RAB11FIP1: variants seen among roughly 807,000 people sequenced by gnomAD.
The protein encoded by RAB11FIP1 is rab11 family-interacting protein 1.
RAB11FIP1 carries 49 observed loss-of-function variants against 83.1 expected under a neutral mutation model. That is an observed-to-expected ratio of 0.59 (90% CI 0.47 to 0.75). The LOEUF (loss-of-function observed/expected upper bound fraction) is 0.75. Ranked by LOEUF, RAB11FIP1 falls within the 30% of genes least tolerant of loss-of-function variation. The pLI, the probability that RAB11FIP1 is intolerant of heterozygous loss-of-function variation, is 0.00. For synonymous variants in RAB11FIP1, 670 were observed against 656.0 expected (o/e 1.02, Z -0.33); for missense variants, 1,536 against 1,598.7 (o/e 0.96, Z 0.67).
At chr8:37,895,280 T>A (rs1807061409) in intron 1 of RAB11FIP1, among the ~76,000 whole-genome samples, 4 of 64,108 alleles carry the variant, frequency 6.2e-5, no homozygotes, top group Non-Finnish European at 9.3e-5. Flanking sequence ...TTTTTTTTTT[T>A]TTTTTTTTTT....
intron 5 of RAB11FIP1, among the ~76,000 whole-genome samples, chr8:37,865,532 C>G (rs1806325407): frequency 6.6e-6 from 1 of 151,952 alleles, no homozygotes; most frequent in Non-Finnish European, 1.5e-5. Flanking sequence ...GTTGGCCAGG[C>G]TGGTCTTGAA....
At chr8:37,884,210 G>A (rs966093871) in intron 1 of RAB11FIP1, among the ~76,000 whole-genome samples, 3 of 151,206 alleles carry the variant, frequency 2.0e-5, no homozygotes, top group Admixed American at 6.6e-5. Flanking sequence ...GAGTACAGGC[G>A]CACACCACTG....
chr8:37,895,218 A>ATATATATATAT (rs1807040291), intron 1 of RAB11FIP1, among the ~76,000 whole-genome samples: 1 of 13,706 alleles, frequency 7.3e-5, no homozygotes, highest in Non-Finnish European at 1.4e-4. Flanking sequence ...GGTGCCTGCC[A>ATATATATATAT]ATATATATAT....
chr8:37,874,424 T>C (rs1231699879), intron 3 of RAB11FIP1, 91 bp downstream of exon 3: 1 of 1,011,060 alleles, frequency 9.9e-7, no homozygotes, highest in African/African-American at 1.6e-5. Context: ...TACTATGATA[T>C]CATGGGACCC....
intron 1 of RAB11FIP1, among the ~76,000 whole-genome samples, chr8:37,897,066 T>A (rs1448308611): frequency 6.6e-6 from 1 of 152,182 alleles, no homozygotes; most frequent in Non-Finnish European, 1.5e-5. Context: ...TTTAATCAGA[T>A]GGAAGATCAG....
In RAB11FIP1 at chr8:37,861,458, T is replaced by G. The variant is rs73598921; in HGVS notation, c.*1437A>C. 2.9e-3 allele frequency: 1,130 copies of G among 383,560 alleles called. 21 individuals are homozygous for G. The highest frequency in any genetic ancestry group is 0.022 in the African/African-American group (1,009 of 45,724). The allele number at this position is 383,560 out of a possible 1,614,324, so 23.8% of individuals were successfully genotyped here. Reference sequence around the variant, plus strand: ...TTTCCTTTTGGGCAGGGAGAGAAAGTGTTCAAAGGACAGACATGCAGATGC... The same window carrying G: ...TTTCCTTTTGGGCAGGGAGAGAAAGGGTTCAAAGGACAGACATGCAGATGC... On this transcript the variant is annotated 3_prime_UTR_variant, in exon 6 of 6. Coordinates refer to ENST00000330843, the MANE Select transcript of RAB11FIP1 (RefSeq NM_001002814.3).
chr8:37,885,099 A>G (rs1806805663), intron 1 of RAB11FIP1, among the ~76,000 whole-genome samples: 1 of 151,580 alleles, frequency 6.6e-6, no homozygotes, highest in African/African-American at 2.4e-5. Flanking sequence ...GATTCAAGCA[A>G]TTCTCCTGTC....
chr8:37,863,144 G>T, intron 5 of RAB11FIP1, 31 bp from the exon 6 acceptor site: 1 of 1,574,700 alleles, frequency 6.4e-7, no homozygotes, highest in African/African-American at 1.4e-5. Flanking sequence ...TTGGGAAAAA[G>T]GAGTTATAAA....
chr8:37,878,646 G>A (rs1479443219), intron 1 of RAB11FIP1, among the ~76,000 whole-genome samples: 2 of 149,986 alleles, frequency 1.3e-5, no homozygotes, highest in Admixed American at 6.7e-5. Flanking sequence ...AGTAAGGAAT[G>A]GTCCCTGCCA....
chr8:37,882,912 T>C (rs1019977265), intron 1 of RAB11FIP1, among the ~76,000 whole-genome samples: 1 of 152,198 alleles, frequency 6.6e-6, no homozygotes, highest in Non-Finnish European at 1.5e-5. Flanking sequence ...AAGTGGGATT[T>C]GCTTTGGAAA....
chr8:37,875,196 C>G lies in RAB11FIP1; in HGVS notation c.941G>C (p.Arg314Pro), dbSNP rs774399623. 1 of 1,613,860 alleles carries G rather than the reference C, an allele frequency of 6.2e-7. No individual in the cohort carries two copies. The highest frequency in any genetic ancestry group is 8.5e-7 in the Non-Finnish European group (1 of 1,180,024). ...GTTCCCATTGATGCAGACATTAGAG[C>G]GGGAAAGGACATCATTCTTAGACCG... ...GLRSKNDVLS[R>P]SNVCINGNHV... The change falls in exon 3 of 6, where the codon CGC becomes CCC. Residue 314 changes from arginine (R) to proline (P), a missense_variant. Arg to Pro is a moderately radical substitution (Grantham distance 103). Transcript: ENST00000330843.
At chr8:37,896,140 T>A (rs924078161) in intron 1 of RAB11FIP1, among the ~76,000 whole-genome samples, 2 of 151,870 alleles carry the variant, frequency 1.3e-5, no homozygotes, top group African/African-American at 4.8e-5. Flanking sequence ...TGAAACCCCA[T>A]CTCTACTAAA....
rs774023725 is a variant in RAB11FIP1, at chr8:37,877,360, G to A, written c.563C>T (p.Thr188Ile). 1.9e-5 allele frequency: 31 copies of A among 1,614,032 alleles called. No homozygotes were observed. Among genetic ancestry groups the A allele is most frequent in the Middle Eastern group, 1.6e-4 (1 of 6,084 alleles). ...KGKNKDSGSDTASAIIPSTTP... is the reference protein window; with the variant it reads ...KGKNKDSGSDIASAIIPSTTP... Reference sequence around the variant, plus strand: ...CGTGCTAGGGATGATGGCGGAGGCGGTGTCTGACCCACTGTCCTTATTCTT... The same window carrying A: ...CGTGCTAGGGATGATGGCGGAGGCGATGTCTGACCCACTGTCCTTATTCTT... The change falls in exon 2 of 6, where the codon ACC becomes ATC. Residue 188 changes from threonine (T) to isoleucine (I), a missense_variant. Coordinates refer to ENST00000330843, the MANE Select transcript of RAB11FIP1 (RefSeq NM_001002814.3).
At chr8:37,880,368 G>A (rs1345341343) in intron 1 of RAB11FIP1, among the ~76,000 whole-genome samples, 1 of 152,016 alleles carries the variant, frequency 6.6e-6, no homozygotes, top group African/African-American at 2.4e-5. Context: ...GCGCGATCTC[G>A]GCTCACTGCA....
rs1807157810 is a variant in RAB11FIP1, at chr8:37,899,098, T to C, written c.344A>G (p.His115Arg). Residue 115 changes from histidine (H) to arginine (R), a missense_variant, in exon 1 of 6, where the codon CAC becomes CGC. Transcript: ENST00000330843. The surrounding 1 kb of genome is among the most constrained non-coding windows in gnomAD (Gnocchi z 4.5). ...GRAEVDLRDLHRDQGRRKTQW... is the reference protein window; with the variant it reads ...GRAEVDLRDLRRDQGRRKTQW... ...CGTCTTCCTGCGGCCCTGGTCGCGG[T>C]GCAGATCCCGCAGGTCCACCTCGGC... The C allele has an allele frequency of 1.3e-6, 2 of 1,524,594 alleles. No homozygotes were observed. The highest frequency in any genetic ancestry group is 1.7e-6 in the Non-Finnish European group (2 of 1,145,140). 94.4% of individuals were successfully genotyped at this position (1,524,594 alleles called of 1,614,324 possible). A position where few individuals can be genotyped will look rare whatever the true frequency, so the allele number is the denominator to read the frequency against.
At chr8:37,884,947 T>A (rs1806798758) in intron 1 of RAB11FIP1, among the ~76,000 whole-genome samples, 1 of 151,846 alleles carries the variant, frequency 6.6e-6, no homozygotes, top group South Asian at 2.1e-4. Flanking sequence ...TCTCTCATAG[T>A]GCCTGGGATT....
intron 1 of RAB11FIP1, among the ~76,000 whole-genome samples, chr8:37,884,876 T>G (rs1229641369): frequency 6.6e-6 from 1 of 151,892 alleles, no homozygotes; most frequent in Non-Finnish European, 1.5e-5. Context: ...AGAGATAGGG[T>G]CTTGCTATGC....
intron 1 of RAB11FIP1, among the ~76,000 whole-genome samples, chr8:37,880,386 C>T (rs1379259942): frequency 6.6e-6 from 1 of 152,114 alleles, no homozygotes; most frequent in African/African-American, 2.4e-5. Context: ...GCAACCTCCG[C>T]CTCCCGGGTT....
intron 1 of RAB11FIP1, among the ~76,000 whole-genome samples, chr8:37,894,705 T>C (rs1426460464): frequency 6.8e-6 from 1 of 147,274 alleles, no homozygotes; most frequent in Non-Finnish European, 1.5e-5. Context: ...TAAATACATA[T>C]ATATACATAT....
Sources: allele counts gnomAD v4.1 joint callset (sites outside exome capture counted in the v4.1 genomes callset), GRCh38; gene constraint gnomAD v4.1.1; non-coding constraint Gnocchi (gnomAD v3.1); transcripts MANE v1.5; gene names NCBI Gene and HGNC (gene_info 2026-07-23, HGNC 2026-07-21).